The following GGT5 variants were observed in gnomAD, a reference collection of about 807,000 sequenced individuals.
The protein encoded by GGT5 is gamma-glutamyltransferase 5.
In GGT5, 50 loss-of-function variants were observed where a neutral mutation model predicts 58.1. The observed-to-expected ratio is 0.86, with a 90% CI of 0.69 to 1.09. The LOEUF is 1.09. Among genes scored for constraint, GGT5 ranks in the 50% least tolerant of loss-of-function variants. GGT5 has a pLI of 0.00. For missense variants in GGT5, 800 were observed against 789.4 expected, an observed-to-expected ratio of 1.01 and a Z score of -0.16; for synonymous variants, 370 against 346.1, an observed-to-expected ratio of 1.07 and a Z score of -0.77.
chr22:24,238,945 TATATATATATATA>T (rs2048247624), intron 1 of GGT5, among the ~76,000 whole-genome samples: 1 of 40,846 alleles, frequency 2.4e-5, no homozygotes, highest in African/African-American at 9.5e-5. Flanking sequence ...ATATAATATA[TATATATATATATA>T]ATATATATAT....
At chr22:24,225,138 G>A in intron 10 of GGT5, 32 bp from the exon 11 acceptor site, 1 of 1,574,382 alleles carries the variant, frequency 6.4e-7, no homozygotes, top group Non-Finnish European at 8.7e-7. Context: ...CAGGGAGAAA[G>A]GGGGCACCCT....
In GGT5 at chr22:24,233,938, G is replaced by C. The variant is rs201693818; in HGVS notation, c.240C>G (p.Val80=). Residue 80 remains valine, a synonymous_variant, in exon 2 of 12, where the codon GTC becomes GTG. Transcript: ENST00000327365. The part of the protein sequence containing the change: ...ATIAALVCTS[V]VNPQSMGLGG... ...CCAGGCCCATGCTCTGAGGGTTGAC[G>C]ACGCTGGTGCAGACCAGAGCCGCGA... 1.9e-6 allele frequency: 3 copies of C among 1,613,518 alleles called. No homozygotes were observed. Among genetic ancestry groups the C allele is most frequent in the Non-Finnish European group, 2.5e-6 (3 of 1,179,496 alleles).
chr22:24,225,485 C>T (rs185866792), intron 9 of GGT5, 61 bp downstream of exon 9: 4 of 1,589,914 alleles, frequency 2.5e-6, no homozygotes, highest in Non-Finnish European at 3.5e-6. Context: ...GCCCAGCCCC[C>T]TCCCTCCTCT....
At chr22:24,222,388 G>C (rs2047617409) in intron 11 of GGT5, among the ~76,000 whole-genome samples, 2 of 152,076 alleles carry the variant, frequency 1.3e-5, no homozygotes, top group Admixed American at 6.6e-5. Context: ...ATTGCCCACT[G>C]TCCTTAGACT....
chr22:24,233,026 G>A lies in GGT5; in HGVS notation c.401-8C>T. On this transcript the variant is annotated splice_region_variant and splice_polypyrimidine_tract_variant and intron_variant, in intron 3 of 11. Transcript: ENST00000327365. ...CCCCGATCCACTGGGCCCCTGCATG[G>A]CACATCCCAGCTCTCAACCCTGTGG... The A allele has an allele frequency of 6.6e-7, 1 of 1,507,226 alleles. No homozygotes were observed. Among genetic ancestry groups the A allele is most frequent in the South Asian group, 1.3e-5 (1 of 77,250 alleles). The allele number at this position is 1,507,226 out of a possible 1,614,324, so 93.4% of individuals were successfully genotyped here.
rs746133651 is a variant in GGT5, at chr22:24,225,427, C to A, written c.1337-16G>T. On this transcript the variant is annotated splice_polypyrimidine_tract_variant and intron_variant, in intron 9 of 11. Coordinates refer to ENST00000327365, the MANE Select transcript of GGT5 (RefSeq NM_004121.5). ...TCTCCACTCACTGCTGAGCAAACAG[C>A]GTCTTGGCAAGTGCAGTGACCCATC... 6.2e-7 allele frequency: 1 copy of A among 1,604,722 alleles called. No individual in the cohort carries two copies. The highest frequency in any genetic ancestry group is 1.7e-5 in the Admixed American group (1 of 59,502).
In GGT5 at chr22:24,244,590, C is replaced by T. The variant is rs759899384; in HGVS notation, c.136G>A (p.Val46Ile). Residue 46 changes from valine (V) to isoleucine (I), a missense_variant, in exon 1 of 12, where the codon GTT becomes ATT. Transcript: ENST00000327365. ...GAGCAGACCTTGGAGTCGGCGGCAA[C>T]AGCAGCGTGGGCAAAGGCCTGGGGG... ...CGPQAFAHAA[V>I]AADSKVCSDI... 1.9e-6 allele frequency: 3 copies of T among 1,612,476 alleles called. No homozygotes were observed. Among genetic ancestry groups the T allele is most frequent in the South Asian group, 2.2e-5 (2 of 91,020 alleles).
chr22:24,233,570 G>T lies in GGT5; in HGVS notation c.328C>A (p.Arg110=). ...GCGTGGCTGGCCGGCACCGTCTCCC[G>T]GGCATTGATGACCTCCACCTTCCCT... ...TTGKVEVINA[R]ETVPASHAPS... The change falls in exon 3 of 12, where the codon CGG becomes AGG. Residue 110 remains arginine, a synonymous_variant. Transcript: ENST00000327365. 6.2e-7 allele frequency: 1 copy of T among 1,608,368 alleles called. No individual in the cohort carries two copies. The highest frequency in any genetic ancestry group is 8.5e-7 in the Non-Finnish European group (1 of 1,178,354).
chr22:24,222,826 C>T (rs949559736), intron 11 of GGT5, among the ~76,000 whole-genome samples: 8 of 152,156 alleles, frequency 5.3e-5, no homozygotes, highest in Admixed American at 3.3e-4. Flanking sequence ...GCCTATAATC[C>T]CAGCACTTTG....
intron 6 of GGT5, among the ~76,000 whole-genome samples, chr22:24,231,014 T>G (rs2047920549): frequency 6.6e-6 from 1 of 152,194 alleles, no homozygotes; most frequent in Non-Finnish European, 1.5e-5. Context: ...AGAACCCCCC[T>G]GCAGGCTGCC....
intron 1 of GGT5, among the ~76,000 whole-genome samples, chr22:24,234,835 A>AAAAGAAAAAAAAAGC (rs2048050876): frequency 6.6e-6 from 1 of 151,960 alleles, no homozygotes; most frequent in Non-Finnish European, 1.5e-5. Flanking sequence ...AAAAAAAAAG[A>AAAAGAAAAAAAAAGC]AAAGAAAAGA....
intron 6 of GGT5, among the ~76,000 whole-genome samples, chr22:24,228,751 G>T (rs768057334): frequency 6.7e-6 from 1 of 149,014 alleles, no homozygotes; most frequent in African/African-American, 2.5e-5. Context: ...TGCCAGGCCC[G>T]AAACAGTTAT....
intron 11 of GGT5, among the ~76,000 whole-genome samples, chr22:24,221,941 G>A (rs2047601315): frequency 6.6e-6 from 1 of 151,338 alleles, no homozygotes; most frequent in African/African-American, 2.4e-5. Context: ...CACTTTGGGA[G>A]GCCAAGGTGG....
intron 1 of GGT5, among the ~76,000 whole-genome samples, chr22:24,238,767 A>AT (rs757575177): frequency 0.025 from 949 of 38,576 alleles, 56 homozygotes; most frequent in Non-Finnish European, 0.03. Context: ...TGGAATATAT[A>AT]TATATATATA....
rs370422358 is a variant in GGT5 at position 24,233,604 on chromosome 22, G to T, written c.305-11C>A. 5.8e-6 allele frequency: 9 copies of T among 1,560,312 alleles called. No individual in the cohort carries two copies. The highest frequency in any genetic ancestry group is 1.9e-4 in the Middle Eastern group (1 of 5,190). ...TGACCTCCACCTTCCCTGGAGTAGG[G>T]CAGGGCAGGTGAGTGGTCATGGACC... On this transcript the variant is annotated splice_polypyrimidine_tract_variant and intron_variant, in intron 2 of 11. Transcript: ENST00000327365.
chr22:24,231,052 G>C (rs1427751230), intron 6 of GGT5, among the ~76,000 whole-genome samples: 24 of 152,146 alleles, frequency 1.6e-4, no homozygotes, highest in Admixed American at 1.5e-3. Flanking sequence ...CGCTCCCCCA[G>C]GTGCACGCCC....
chr22:24,226,128 C>A lies in GGT5; in HGVS notation c.1177G>T (p.Val393Leu). Residue 393 changes from valine to leucine, a missense_variant, in exon 8 of 12, where the codon GTG becomes TTG. By Grantham distance (32) the Val-to-Leu change is conservative (BLOSUM62 1). Transcript: ENST00000327365. ...GHGTGTSHVSVLGEDGSAVAA... is the reference protein window; with the variant it reads ...GHGTGTSHVSLLGEDGSAVAA... ...ACGGCGCTGCCATCCTCCCCCAGCA[C>A]AGACACATGGGACGTGCCTGTCCCG... is the stretch of plus-strand genomic sequence containing the variant. The A allele has an allele frequency of 6.2e-7, 1 of 1,610,562 alleles. No homozygotes were observed. The highest frequency in any genetic ancestry group is 1.1e-5 in the South Asian group (1 of 90,910).
rs1273239063 is a variant in GGT5 at position 24,228,048 on chromosome 22, C to CAAAAAAA, written c.902-1288_902-1282dup. On this transcript the variant is annotated intron_variant, in intron 6 of 11. Transcript: ENST00000327365. ...TAGTAAACAGAGCAAGACTCTGTCTCAAAAAAAAAAAAAAAAAACAAAACA... is the reference window on the plus strand; with the variant it reads ...TAGTAAACAGAGCAAGACTCTGTCTCAAAAAAAAAAAAAAAAAAAAAAAAACAAAACA... Among the ~76,000 whole-genome samples the CAAAAAAA allele has an allele frequency of 5.9e-4, 13 of 22,050 alleles. 1 individual carries two copies. Among genetic ancestry groups the CAAAAAAA allele is most frequent in the African/African-American group, 1.5e-3 (10 of 6,604 alleles). 14.5% of individuals were successfully genotyped at this position (22,050 alleles called of 152,430 possible). A position where few individuals can be genotyped will look rare whatever the true frequency, so the allele number is the denominator to read the frequency against.
At chr22:24,237,955 TG>T (rs2048147047) in intron 1 of GGT5, among the ~76,000 whole-genome samples, 1 of 151,482 alleles carries the variant, frequency 6.6e-6, no homozygotes, top group African/African-American at 2.4e-5. Context: ...AGGCTGGGAG[TG>T]GTGGCTCACG....
Sources: gnomAD v4.1 joint callset for allele counts (sites outside exome capture counted in the v4.1 genomes callset) on GRCh38, gnomAD v4.1.1 for gene constraint, MANE v1.5 for transcripts, NCBI Gene and HGNC (gene_info 2026-07-23, HGNC 2026-07-21) for gene names.